The following CCDC158 variants were observed in gnomAD, a reference collection of about 807,000 sequenced individuals.
The protein encoded by CCDC158 is coiled-coil domain-containing protein 158.
Under a neutral mutation model 138.6 loss-of-function variants are expected in CCDC158, and 116 were observed. That is an observed-to-expected ratio of 0.84 (90% CI 0.72 to 0.98). The LOEUF (loss-of-function observed/expected upper bound fraction) is 0.98, where lower values mean the gene tolerates loss of function less well. Among genes scored for constraint, CCDC158 ranks in the 50% least tolerant of loss-of-function variants. CCDC158 has a pLI of 0.00. For missense variants in CCDC158, 1,265 were observed against 1,306.1 expected, an observed-to-expected ratio of 0.97 and a Z score of 0.48; for synonymous variants, 436 against 442.4, an observed-to-expected ratio of 0.99 and a Z score of 0.18.
intron 18 of CCDC158, among the ~76,000 whole-genome samples, chr4:76,335,814 C>T (rs945385358): frequency 6.6e-6 from 1 of 152,136 alleles, no homozygotes; most frequent in Non-Finnish European, 1.5e-5. Flanking sequence ...CTCAGGCGAT[C>T]CACGCATCTT....
chr4:76,380,772 C>T (rs1427814742), intron 8 of CCDC158, among the ~76,000 whole-genome samples: 1 of 152,174 alleles, frequency 6.6e-6, no homozygotes, highest in Non-Finnish European at 1.5e-5. Context: ...TTTAGGCAGC[C>T]CCTTCCAACA....
At chr4:76,352,537 G>A (rs1723150712) in intron 16 of CCDC158, 1 of 152,118 alleles carries the variant, frequency 6.6e-6, no homozygotes. Context: ...AACCATAAAG[G>A]CACTGTTTTC....
chr4:76,348,573 G>C (rs1429468630), intron 18 of CCDC158, among the ~76,000 whole-genome samples: 1 of 151,956 alleles, frequency 6.6e-6, no homozygotes, highest in Non-Finnish European at 1.5e-5. Context: ...CAAACACGTG[G>C]ACCATAACAT....
At chr4:76,404,803 T>C (rs1183152455) in intron 2 of CCDC158, among the ~76,000 whole-genome samples, 4 of 151,918 alleles carry the variant, frequency 2.6e-5, no homozygotes, top group South Asian at 2.1e-4. Context: ...AGCAGGAGGA[T>C]AGCTTGAACC....
intron 3 of CCDC158, chr4:76,401,209 A>G (rs1474893286): frequency 2.9e-6 from 1 of 344,972 alleles, no homozygotes; most frequent in Admixed American, 3.3e-5. Context: ...ATAGGAGCTT[A>G]AAAGAAAAAC....
At chr4:76,332,684 TA>T (rs1249060399) in intron 19 of CCDC158, among the ~76,000 whole-genome samples, 193 bp from the exon 20 acceptor site, 1 of 152,226 alleles carries the variant, frequency 6.6e-6, no homozygotes, top group Non-Finnish European at 1.5e-5. Context: ...CATGAATTCT[TA>T]AAAGCTTTAC....
intron 1 of CCDC158, among the ~76,000 whole-genome samples, chr4:76,415,171 C>T (rs547231139): frequency 6.6e-6 from 1 of 152,276 alleles, no homozygotes; most frequent in East Asian, 1.9e-4. Flanking sequence ...TAAACTCTTG[C>T]TATGCTTTAG....
intron 24 of CCDC158, 44 bp downstream of exon 24, chr4:76,323,258 A>G (rs1720205014): frequency 7.2e-7 from 1 of 1,392,314 alleles, no homozygotes; most frequent in African/African-American, 1.4e-5. Flanking sequence ...GAAGGTGAAC[A>G]TTCTCATGAG....
intron 3 of CCDC158, among the ~76,000 whole-genome samples, chr4:76,398,185 T>A (rs1312508786): frequency 1.3e-5 from 2 of 152,208 alleles, no homozygotes; most frequent in Non-Finnish European, 2.9e-5. Context: ...ATCATCAATG[T>A]AACAATTGAT....
At chr4:76,325,478 C>T (rs560213646) in intron 23 of CCDC158, among the ~76,000 whole-genome samples, 87 of 152,152 alleles carry the variant, frequency 5.7e-4, no homozygotes, top group African/African-American at 1.6e-3. Flanking sequence ...AAAGTTTGTA[C>T]GGTATGCACT....
Position 76,351,811 on chromosome 4 carries a change from G to T in CCDC158, c.2447C>A (p.Ala816Glu). Residue 816 changes from alanine to glutamate, a missense_variant and splice_region_variant, in exon 17 of 25, where the codon GCA becomes GAA. Transcript: ENST00000682701. ...VTNMEVALDKASLQFAECQDI... is the reference protein window; with the variant it reads ...VTNMEVALDKESLQFAECQDI... Reference sequence around the variant, plus strand: ...TTGACATTCTGCAAACTGCAAAGATGCCTACAAATGGAGCAATCATAAATG... The same window carrying T: ...TTGACATTCTGCAAACTGCAAAGATTCCTACAAATGGAGCAATCATAAATG... 3 of 1,593,536 alleles carry T rather than the reference G, an allele frequency of 1.9e-6. No individual in the cohort carries two copies. Among genetic ancestry groups the T allele is most frequent in the Non-Finnish European group, 1.7e-6 (2 of 1,161,696 alleles).
At chr4:76,356,737 A>T (rs1442286270) in intron 14 of CCDC158, 2 of 152,218 alleles carry the variant, frequency 1.3e-5, no homozygotes, top group Non-Finnish European at 2.9e-5. Context: ...TTCTGACATT[A>T]AAAAATATTG....
intron 14 of CCDC158, among the ~76,000 whole-genome samples, chr4:76,356,373 T>A (rs1289438227): frequency 2.7e-3 from 10 of 3,738 alleles, no homozygotes; most frequent in Non-Finnish European, 5.1e-3. Flanking sequence ...AAAACAAATG[T>A]TTTTTTTTTT....
intron 6 of CCDC158, 40 bp from the exon 7 acceptor site, chr4:76,383,778 A>G: frequency 7.1e-7 from 1 of 1,405,552 alleles, no homozygotes. Flanking sequence ...TTACTGGTAA[A>G]TATAAGGCTT....
chr4:76,376,267 T>A lies in CCDC158; in HGVS notation c.1029+3023A>T, dbSNP rs548696854. Reference sequence around the variant, plus strand: ...TTTGTAGAGACAGAGTCCCACTATGTTGCCCAGGCTTGTCTCAAGCTCCTA... The same window carrying A: ...TTTGTAGAGACAGAGTCCCACTATGATGCCCAGGCTTGTCTCAAGCTCCTA... On this transcript the variant is annotated intron_variant, in intron 9 of 24. Coordinates refer to ENST00000682701, the MANE Select transcript of CCDC158 (RefSeq NM_001394954.1). 4.6e-3 allele frequency among the ~76,000 whole-genome samples: 695 copies of A among 152,302 alleles called. 5 individuals carry two copies. Among genetic ancestry groups the A allele is most frequent in the African/African-American group, 0.016 (675 of 41,574 alleles).
At chr4:76,382,939 T>G (rs1230284067) in intron 7 of CCDC158, among the ~76,000 whole-genome samples, 4 of 152,212 alleles carry the variant, frequency 2.6e-5, no homozygotes, top group African/African-American at 9.6e-5. Flanking sequence ...TTTTTTTTAT[T>G]TTACAATGGT....
intron 14 of CCDC158, among the ~76,000 whole-genome samples, chr4:76,355,653 A>C (rs1282626372): frequency 6.6e-6 from 1 of 152,174 alleles, no homozygotes; most frequent in African/African-American, 2.4e-5. Flanking sequence ...TGGGAAACAT[A>C]CATATAATCA....
chr4:76,401,783 G>A (rs1040765362), intron 3 of CCDC158, among the ~76,000 whole-genome samples: 9 of 152,180 alleles, frequency 5.9e-5, no homozygotes, highest in Admixed American at 2.6e-4. Flanking sequence ...TATGAGGACA[G>A]TATTACAGGA....
rs757207797 is a variant in CCDC158 at position 76,384,168 on chromosome 4, G to C, written c.646C>G (p.Arg216Gly). Residue 216 changes from arginine to glycine, a missense_variant, in exon 6 of 25, where the codon CGC (arginine) becomes GGC (glycine). Physicochemically the swap from Arg to Gly is moderately radical, Grantham distance 125. Transcript: ENST00000682701. ...EHDSMSTLHF[R>G]SLGSAISKIL... is the part of the protein sequence containing the mutation. ...TTACTAATAGCTGAGCCCAAGCTGC[G>C]GAAGTGCAGAGTAGACATGCTGTCA... 1.2e-6 allele frequency: 2 copies of C among 1,614,068 alleles called. No homozygotes were observed. The highest frequency in any genetic ancestry group is 1.1e-5 in the South Asian group (1 of 91,072).
Sources: allele counts gnomAD v4.1 joint callset (sites outside exome capture counted in the v4.1 genomes callset), GRCh38; gene constraint gnomAD v4.1.1; transcripts MANE v1.5; gene names NCBI Gene and HGNC (gene_info 2026-07-23, HGNC 2026-07-21).